TDRD10: variants seen among roughly 807,000 people sequenced by gnomAD.
TDRD10 encodes tudor domain containing 10.
In TDRD10, 40 loss-of-function variants were observed where a neutral mutation model predicts 48.0. The ratio of observed to expected loss-of-function variants is 0.83; its 90% CI spans 0.65 to 1.09. The LOEUF is 1.09. TDRD10 is among the 50% of genes least tolerant of loss of function. TDRD10 has a pLI of 0.00. For missense variants in TDRD10, 378 were observed against 434.7 expected, an observed-to-expected ratio of 0.87 and a Z score of 1.16; for synonymous variants, 162 against 170.4, an observed-to-expected ratio of 0.95 and a Z score of 0.38.
At chr1:154,539,209 C>T (rs1353119516) in intron 6 of TDRD10, among the ~76,000 whole-genome samples, 2 of 152,214 alleles carry the variant, frequency 1.3e-5, no homozygotes, top group South Asian at 4.1e-4. Context: ...ATCCTCACAT[C>T]AAGACAGGTG....
At chr1:154,535,145 T>C (rs1309544292) in intron 6 of TDRD10, among the ~76,000 whole-genome samples, 1 of 152,148 alleles carries the variant, frequency 6.6e-6, no homozygotes, top group Admixed American at 6.5e-5. Flanking sequence ...GGTGGGCGGA[T>C]CACTTGAAGT....
At chr1:154,516,429 T>A (rs558405124) in intron 4 of TDRD10, among the ~76,000 whole-genome samples, 1 of 152,036 alleles carries the variant, frequency 6.6e-6, no homozygotes, top group African/African-American at 2.4e-5. Flanking sequence ...ATGGGGGTGG[T>A]GGGAGAATGG....
At chr1:154,521,240 C>A in intron 5 of TDRD10, 83 bp from the exon 6 acceptor site, 1 of 1,393,418 alleles carries the variant, frequency 7.2e-7, no homozygotes, top group Non-Finnish European at 1.0e-6. Context: ...ACTGGCCTTC[C>A]AGCTTGGGCT....
intron 1 of TDRD10, among the ~76,000 whole-genome samples, chr1:154,503,598 AAAAC>A (rs959153889): frequency 2.0e-4 from 30 of 152,194 alleles, no homozygotes; most frequent in Admixed American, 3.9e-4. Flanking sequence ...AAAAAGACAA[AAAAC>A]AAACAAACAA....
intron 6 of TDRD10, among the ~76,000 whole-genome samples, chr1:154,523,108 G>A (rs992745184): frequency 2.0e-5 from 3 of 152,118 alleles, no homozygotes; most frequent in East Asian, 1.9e-4. Flanking sequence ...GTTTCACCAC[G>A]TTGACCAGGC....
intron 2 of TDRD10, 45 bp downstream of exon 2, chr1:154,506,950 C>G (rs1331039798): frequency 3.7e-6 from 6 of 1,614,028 alleles, no homozygotes; most frequent in Non-Finnish European, 4.2e-6. Flanking sequence ...GCTCCATCCC[C>G]CAGCCTTCTC....
At chr1:154,512,310 G>T (rs180994347) in intron 4 of TDRD10, among the ~76,000 whole-genome samples, 183 of 152,158 alleles carry the variant, frequency 1.2e-3, no homozygotes, top group African/African-American at 4.3e-3. Flanking sequence ...GTTAGAGTGT[G>T]TCTTAGTACT....
chr1:154,520,280 C>T, intron 4 of TDRD10, 24 bp from the exon 5 acceptor site: 1 of 1,581,598 alleles, frequency 6.3e-7, no homozygotes, highest in African/African-American at 1.3e-5. Context: ...CTGGGTCTCT[C>T]TCTTTTAAAC....
chr1:154,526,999 T>C (rs1413669917), intron 6 of TDRD10, among the ~76,000 whole-genome samples: 1 of 152,038 alleles, frequency 6.6e-6, no homozygotes. Context: ...AACCTCCGCC[T>C]TCTGGGTTCA....
intron 6 of TDRD10, among the ~76,000 whole-genome samples, chr1:154,526,211 A>C (rs1694309584): frequency 6.6e-6 from 1 of 151,468 alleles, no homozygotes; most frequent in Non-Finnish European, 1.5e-5. Context: ...CTCAAAAAAA[A>C]AAAAAAAAGA....
chr1:154,532,506 C>A (rs1230858007), intron 6 of TDRD10, among the ~76,000 whole-genome samples: 3 of 152,188 alleles, frequency 2.0e-5, no homozygotes, highest in Non-Finnish European at 4.4e-5. Flanking sequence ...CTCGGCCAGC[C>A]CAGAGAAGGG....
chr1:154,507,248 A>G lies in TDRD10; in HGVS notation c.10A>G (p.Asn4Asp). The change falls in exon 3 of 13, where the codon AAC (asparagine) becomes GAC (aspartate). Residue 4 changes from asparagine to aspartate, a missense_variant. Physicochemically the swap from Asn to Asp is conservative, Grantham distance 23. This residue lies in a region of TDRD10 where 310 missense variants were observed against 323.6 expected (regional missense o/e 0.96). Coordinates refer to ENST00000368482, the MANE Select transcript of TDRD10 (RefSeq NM_182499.4). MSW[N>D]ISHPQLSDKL... is the part of the protein sequence containing the mutation. ...GACACCTGTGTTTGACAGGTCCTGG[A>G]ACATTAGTCACCCCCAACTCTCTGA... The G allele has an allele frequency of 6.2e-7, 1 of 1,613,984 alleles. No homozygotes were observed. Among genetic ancestry groups the G allele is most frequent in the Admixed American group, 1.7e-5 (1 of 60,016 alleles).
intron 4 of TDRD10, among the ~76,000 whole-genome samples, chr1:154,518,373 T>C (rs547173804): frequency 2.9e-3 from 446 of 152,358 alleles, no homozygotes; most frequent in Non-Finnish European, 4.5e-3. Flanking sequence ...AAATGAGATA[T>C]GCACGAGGCA....
At chr1:154,541,793 G>A (rs185312801) in intron 6 of TDRD10, 8 of 474,642 alleles carry the variant, frequency 1.7e-5, no homozygotes, top group African/African-American at 3.9e-5. Context: ...CTCCCTGGCA[G>A]CAGCCCTGCT....
At chr1:154,532,942 A>G (rs1189417704) in intron 6 of TDRD10, among the ~76,000 whole-genome samples, 5 of 151,842 alleles carry the variant, frequency 3.3e-5, no homozygotes, top group Non-Finnish European at 7.4e-5. Flanking sequence ...CGCTGAGGAA[A>G]GTCTTGACTC....
chr1:154,543,907 C>G (rs1695395874), intron 8 of TDRD10, 56 bp from the exon 9 acceptor site: 2 of 1,602,970 alleles, frequency 1.2e-6, no homozygotes, highest in Non-Finnish European at 1.7e-6. Context: ...CCAGTCGTTC[C>G]TTTCCTTGCG....
chr1:154,522,641 A>T (rs1237470520), intron 6 of TDRD10, among the ~76,000 whole-genome samples: 1 of 152,142 alleles, frequency 6.6e-6, no homozygotes, highest in Non-Finnish European at 1.5e-5. Context: ...CCCCATCTCT[A>T]TAAACAGGAA....
chr1:154,516,243 G>A (rs1282577456), intron 4 of TDRD10, among the ~76,000 whole-genome samples: 1 of 152,206 alleles, frequency 6.6e-6, no homozygotes, highest in African/African-American at 2.4e-5. Context: ...GGTGTATGGG[G>A]TCCAAGGCGT....
intron 6 of TDRD10, among the ~76,000 whole-genome samples, chr1:154,537,359 G>A (rs1247544349): frequency 2.6e-5 from 4 of 152,212 alleles, no homozygotes; most frequent in Non-Finnish European, 5.9e-5. Flanking sequence ...CTAAAGGGGG[G>A]CTCCCTGAGG....
Sources: gnomAD v4.1 joint callset for allele counts (sites outside exome capture counted in the v4.1 genomes callset) on GRCh38, gnomAD v4.1.1 for gene constraint, gnomAD v4.1.1 regional missense constraint, MANE v1.5 for transcripts, NCBI Gene and HGNC (gene_info 2026-07-23, HGNC 2026-07-21) for gene names.